E2F7: variants seen among roughly 807,000 people sequenced by gnomAD.
E2F7 encodes E2F transcription factor 7, also known as transcription factor E2F7.
A neutral mutation model predicts 81.1 loss-of-function variants in E2F7; 35 were observed. That is an observed-to-expected ratio of 0.43 (90% CI 0.33 to 0.57). The LOEUF (loss-of-function observed/expected upper bound fraction) is 0.57. Among genes scored for constraint, E2F7 ranks in the 20% least tolerant of loss-of-function variants. The pLI, the probability that E2F7 is intolerant of heterozygous loss-of-function variation, is 0.04. For missense variants in E2F7, 961 were observed against 1,093.7 expected (o/e 0.88, Z 1.71); for synonymous variants, 416 against 416.2 (o/e 1.00, Z 0.01).
At chr12:77,059,495 A>C (rs1955061596) in intron 2 of E2F7, among the ~76,000 whole-genome samples, 1 of 152,222 alleles carries the variant, frequency 6.6e-6, no homozygotes, top group East Asian at 1.9e-4. Flanking sequence ...AAGGTTTTCT[A>C]GCAAGGCTGC....
At position 77,046,128 on chromosome 12, in the gene E2F7, C is replaced by A; in HGVS notation, c.739G>T (p.Asp247Tyr). 6.2e-7 allele frequency: 1 copy of A among 1,614,206 alleles called. No homozygotes were observed. The highest frequency in any genetic ancestry group is 1.1e-5 in the South Asian group (1 of 91,074). ...TTTTTACGTTCTCCAAATTTATAATCTATCAGGTCCAGCTCTTTCTGTTGG... is the reference window on the plus strand; with the variant it reads ...TTTTTACGTTCTCCAAATTTATAATATATCAGGTCCAGCTCTTTCTGTTGG... The part of the protein sequence containing the change: ...YLQQKELDLI[D>Y]YKFGERKKDG... Residue 247 changes from aspartate to tyrosine, a missense_variant, in exon 5 of 13, where the codon GAT becomes TAT. Transcript: ENST00000322886.
rs1954714109 is a variant in E2F7 at position 77,021,847 on chromosome 12, C to A, written c.*2168G>T. On this transcript the variant is annotated 3_prime_UTR_variant, in exon 13 of 13. Transcript: ENST00000322886. ...AGATTTATTTTCCTGACAGAAACAA[C>A]CACTGCATTATTATTTTTACATATA... is the stretch of plus-strand genomic sequence containing the variant. 6.6e-6 allele frequency: 1 copy of A among 152,172 alleles called. No homozygotes were observed. Among genetic ancestry groups the A allele is most frequent in the Non-Finnish European group, 1.5e-5 (1 of 68,036 alleles). The allele number at this position is 152,172 out of a possible 1,614,324, so 9.4% of individuals were successfully genotyped here. A position where few individuals can be genotyped will look rare whatever the true frequency, so the allele number is the denominator to read the frequency against.
chr12:77,029,765 T>A (rs1954789017), intron 10 of E2F7, 66 bp downstream of exon 10: 1 of 1,582,416 alleles, frequency 6.3e-7, no homozygotes, highest in Non-Finnish European at 8.6e-7. Flanking sequence ...TATCAGTGTA[T>A]CTTCATTAGG....
chr12:77,040,430 G>A (rs1459539347), intron 7 of E2F7, among the ~76,000 whole-genome samples: 1 of 152,162 alleles, frequency 6.6e-6, no homozygotes, highest in African/African-American at 2.4e-5. Context: ...GCAGAGTACC[G>A]CCTGATTCAT....
chr12:77,061,150 C>A (rs951824484), intron 2 of E2F7, among the ~76,000 whole-genome samples: 1 of 152,156 alleles, frequency 6.6e-6, no homozygotes. Flanking sequence ...GCCACTCCCA[C>A]GTATAAAGCT....
intron 6 of E2F7, 47 bp downstream of exon 6, chr12:77,044,590 T>C: frequency 6.3e-7 from 1 of 1,592,210 alleles, no homozygotes; most frequent in Non-Finnish European, 8.6e-7. Flanking sequence ...ACACATGAAA[T>C]CCCACCCTTT....
At chr12:77,054,595 T>C (rs1955016826) in intron 3 of E2F7, among the ~76,000 whole-genome samples, 1 of 152,150 alleles carries the variant, frequency 6.6e-6, no homozygotes, top group Non-Finnish European at 1.5e-5. Flanking sequence ...ACCTTTCTAG[T>C]GACTGATCGC....
intron 7 of E2F7, among the ~76,000 whole-genome samples, chr12:77,037,446 A>G (rs1328571319): frequency 6.6e-6 from 1 of 152,152 alleles, no homozygotes; most frequent in Non-Finnish European, 1.5e-5. Flanking sequence ...CAAACAAAAA[A>G]ACCCCAGTAA....
At chr12:77,063,004 T>C (rs1405695112) in intron 2 of E2F7, among the ~76,000 whole-genome samples, 2 of 152,146 alleles carry the variant, frequency 1.3e-5, no homozygotes, top group Non-Finnish European at 2.9e-5. Context: ...AAACAATTCA[T>C]GAGTTTTAGA....
At chr12:77,028,198 C>G (rs11610614) in intron 10 of E2F7, 60 bp from the exon 11 acceptor site, 1 of 707,434 alleles carries the variant, frequency 1.4e-6, no homozygotes, top group African/African-American at 1.9e-5. Context: ...GTAAATCTCT[C>G]TTTTTTTTTT....
rs1954886775 is a variant in E2F7, at chr12:77,040,625, T to A, written c.1123+2440A>T. On this transcript the variant is annotated intron_variant, in intron 7 of 12. Transcript: ENST00000322886. The stretch of plus-strand genomic sequence containing the variant: ...CATACATGATTCACTTACCAAAAAA[T>A]TATAGAAAATACAAACAAACCCAGA... 3.3e-5 allele frequency among the ~76,000 whole-genome samples: 5 copies of A among 152,266 alleles called. No homozygotes were observed. In the South Asian group the frequency reaches 1.0e-3, roughly 32 times the overall value.
intron 2 of E2F7, among the ~76,000 whole-genome samples, chr12:77,062,391 AC>A (rs1955085617): frequency 6.6e-6 from 1 of 152,100 alleles, no homozygotes. Context: ...TGGCTCTTAA[AC>A]CCCATGTTTT....
Position 77,030,253 on chromosome 12 carries a change from C to T in E2F7, c.1462G>A (p.Val488Ile). The T allele has an allele frequency of 6.2e-7, 1 of 1,611,470 alleles. No homozygotes were observed. Among genetic ancestry groups the T allele is most frequent in the African/African-American group, 1.3e-5 (1 of 74,996 alleles). ...GGATTAACACAATATTCTGGGTCAA[C>T]AGAGAGGACAGGGAAAGGAGCAACA... is the stretch of plus-strand genomic sequence containing the variant. ...DPVAPFPVLSVDPEYCVNPLA... is the reference protein window; with the variant it reads ...DPVAPFPVLSIDPEYCVNPLA... Residue 488 changes from valine to isoleucine, a missense_variant, in exon 10 of 13, where the codon GTT becomes ATT. By Grantham distance (29) the Val-to-Ile change is conservative. Transcript: ENST00000322886.
intron 7 of E2F7, among the ~76,000 whole-genome samples, chr12:77,039,084 G>A (rs1048491863): frequency 2.0e-5 from 3 of 152,104 alleles, no homozygotes; most frequent in Non-Finnish European, 4.4e-5. Context: ...TCGTCAATTT[G>A]TTTTTAATAA....
At chr12:77,040,373 A>G (rs1448530663) in intron 7 of E2F7, among the ~76,000 whole-genome samples, 1 of 152,196 alleles carries the variant, frequency 6.6e-6, no homozygotes, top group Non-Finnish European at 1.5e-5. Context: ...CACTAAAAAG[A>G]CTGCAAACAG....
rs534917707 is a variant in E2F7 at position 77,046,698 on chromosome 12, G to A, written c.539-370C>T. ...ATGTAACAGTGTGCCTAATGGACAC[G>A]TGATAAATGGATGGTTGACTGTGAC... On this transcript the variant is annotated intron_variant, in intron 4 of 12. Transcript: ENST00000322886. Among the ~76,000 whole-genome samples, 29 of 152,326 alleles carry A rather than the reference G, an allele frequency of 1.9e-4. 1 individual carries two copies. The highest frequency in any genetic ancestry group is 6.5e-4 in the Admixed American group (10 of 15,302).
At chr12:77,063,058 C>T (rs184953904) in intron 2 of E2F7, among the ~76,000 whole-genome samples, 54 of 152,210 alleles carry the variant, frequency 3.5e-4, no homozygotes, top group Non-Finnish European at 6.8e-4. Context: ...CATCCTGCTC[C>T]GTCCTGCTTC....
At chr12:77,050,547 A>G (rs1457191061) in intron 4 of E2F7, 29 bp downstream of exon 4, 1 of 1,606,826 alleles carries the variant, frequency 6.2e-7, no homozygotes, top group Non-Finnish European at 8.5e-7. Flanking sequence ...AACTGGAGAC[A>G]GACCTCCAGG....
rs1448809444 is a variant in E2F7, at chr12:77,021,853, CATT to C, written c.*2159_*2161del. ...ATTTTCCTGACAGAAACAACCACTG[CATT>C]ATTATTTTTACATATAAAGCCACAT... On this transcript the variant is annotated 3_prime_UTR_variant, in exon 13 of 13. Transcript: ENST00000322886. The C allele has an allele frequency of 1.3e-5, 2 of 152,206 alleles. No individual in the cohort carries two copies. Among genetic ancestry groups the C allele is most frequent in the Admixed American group, 6.5e-5 (1 of 15,286 alleles). The allele number at this position is 152,206 out of a possible 1,614,324, so 9.4% of individuals were successfully genotyped here.
Sources: allele counts gnomAD v4.1 joint callset (sites outside exome capture counted in the v4.1 genomes callset), GRCh38; gene constraint gnomAD v4.1.1; transcripts MANE v1.5; gene names NCBI Gene and HGNC (gene_info 2026-07-23, HGNC 2026-07-21).